RRAS2: variants seen among roughly 807,000 people sequenced by gnomAD.
RRAS2 encodes ras-related protein R-Ras2.
A neutral mutation model predicts 27.6 loss-of-function variants in RRAS2; 7 were observed. That is an observed-to-expected ratio of 0.25 (90% confidence interval 0.14 to 0.48). The LOEUF (loss-of-function observed/expected upper bound fraction) is 0.48, where lower values mean the gene tolerates loss of function less well. Ranked by LOEUF, RRAS2 falls within the 20% of genes least tolerant of loss-of-function variation. The probability of loss-of-function intolerance (pLI) is 0.99; values close to 1 mark genes in which losing one functional copy is unlikely to be tolerated. For synonymous variants in RRAS2, 86 were observed against 90.9 expected (o/e 0.95, Z 0.31); for missense variants, 178 against 256.2 (o/e 0.69, Z 2.08).
In RRAS2 at chr11:14,283,039, TGTCA is replaced by T. The variant is rs1487154271; in HGVS notation, c.409-1323_409-1320del. ...GCTAGTTTTTCAACATTAAGTGTGCTGTCAGTTAGAGAATTTTTTTGTAGATGTC... is the reference window on the plus strand; with the variant it reads ...GCTAGTTTTTCAACATTAAGTGTGCTGTTAGAGAATTTTTTTGTAGATGTC... On this transcript the variant is annotated intron_variant, in intron 4 of 5. Coordinates refer to ENST00000256196, the MANE Select transcript of RRAS2 (RefSeq NM_012250.6). Among the ~76,000 whole-genome samples the T allele has an allele frequency of 3.3e-5, 5 of 152,210 alleles. No individual in the cohort carries two copies. In the East Asian group the frequency reaches 5.8e-4, roughly 18 times the overall value.
At position 14,353,810 on chromosome 11, in the gene RRAS2, G is replaced by A. The variant is rs969351338; in HGVS notation, c.108+4953C>T. Among the ~76,000 whole-genome samples the A allele has an allele frequency of 2.0e-5, 3 of 152,130 alleles. No homozygotes were observed. The East Asian group carries it at 5.8e-4, about 29-fold the overall frequency. On this transcript the variant is annotated intron_variant, in intron 1 of 5. Transcript: ENST00000256196. Reference sequence around the variant, plus strand: ...TATAAGAAAATGTTCTTCCTTGGGTGTACAGAAATTTTATCTAGGAATTGC... The same window carrying A: ...TATAAGAAAATGTTCTTCCTTGGGTATACAGAAATTTTATCTAGGAATTGC...
chr11:14,279,954 AAAAC>A (rs1312187919), intron 5 of RRAS2, among the ~76,000 whole-genome samples: 46 of 152,312 alleles, frequency 3.0e-4, no homozygotes, highest in Admixed American at 2.4e-3. Context: ...CATTAAAAAC[AAAAC>A]AAACAAAAAA....
At chr11:14,294,437 C>T in intron 4 of RRAS2, 34 bp downstream of exon 4, 1 of 1,353,990 alleles carries the variant, frequency 7.4e-7, no homozygotes, top group Non-Finnish European at 1.0e-6. Flanking sequence ...TGATTATAAA[C>T]AATTGGTTTC....
chr11:14,359,709 T>C (rs1357333028), upstream of RRAS2, among the ~76,000 whole-genome samples: 1 of 152,200 alleles, frequency 6.6e-6, no homozygotes, highest in Non-Finnish European at 1.5e-5. Context: ...AGATTTTGTA[T>C]GTGTCAGTAC....
At chr11:14,319,024 C>CT (rs1321973171) in intron 1 of RRAS2, among the ~76,000 whole-genome samples, 1 of 152,216 alleles carries the variant, frequency 6.6e-6, no homozygotes, top group East Asian at 1.9e-4. Flanking sequence ...TGAGGAAAGA[C>CT]TTTAAGTAAC....
intron 3 of RRAS2, 48 bp from the exon 4 acceptor site, chr11:14,294,627 C>G: frequency 6.7e-7 from 1 of 1,497,168 alleles, no homozygotes; most frequent in Non-Finnish European, 9.1e-7. Context: ...GGTCAAGTAT[C>G]AGAATTCAGC....
chr11:14,328,204 T>G (rs1848405940), intron 1 of RRAS2, among the ~76,000 whole-genome samples: 1 of 151,744 alleles, frequency 6.6e-6, no homozygotes, highest in Admixed American at 6.6e-5. Context: ...CCATCTCTAC[T>G]AAAAATACAA....
At chr11:14,306,114 T>C (rs1178206669) in intron 1 of RRAS2, among the ~76,000 whole-genome samples, 1 of 146,634 alleles carries the variant, frequency 6.8e-6, no homozygotes, top group African/African-American at 2.5e-5. Context: ...GGATGTAAAA[T>C]AGTCTCTCAC....
chr11:14,333,323 T>A (rs1325241090), intron 1 of RRAS2, among the ~76,000 whole-genome samples: 1 of 152,134 alleles, frequency 6.6e-6, no homozygotes, highest in African/African-American at 2.4e-5. Context: ...ATTTATCAAG[T>A]CAAAGGAAAA....
chr11:14,299,139 A>G (rs572131261), intron 1 of RRAS2, among the ~76,000 whole-genome samples: 1 of 152,258 alleles, frequency 6.6e-6, no homozygotes, highest in African/African-American at 2.4e-5. Context: ...TGATTAATAA[A>G]TGTCAACCAT....
At chr11:14,336,447 T>C (rs1848591188) in intron 1 of RRAS2, among the ~76,000 whole-genome samples, 1 of 151,558 alleles carries the variant, frequency 6.6e-6, no homozygotes, top group African/African-American at 2.4e-5. Context: ...CTGGCAAACA[T>C]ATTAAGGCAG....
chr11:14,292,320 T>C (rs1554945888), intron 4 of RRAS2, among the ~76,000 whole-genome samples: 1 of 152,164 alleles, frequency 6.6e-6, no homozygotes, highest in Non-Finnish European at 1.5e-5. Flanking sequence ...CCTATTCCTT[T>C]ACTGGAGCTA....
Position 14,282,428 on chromosome 11 carries a change from A to C in RRAS2, c.409-708T>G, listed in dbSNP as rs533823084. Among the ~76,000 whole-genome samples the C allele has an allele frequency of 2.6e-5, 4 of 152,312 alleles. No individual in the cohort carries two copies. In the South Asian group the frequency reaches 8.3e-4, roughly 32 times the overall value. On this transcript the variant is annotated intron_variant, in intron 4 of 5. Transcript: ENST00000256196. ...AGATCAAGGAAAGGTGGCATAGCTG[A>C]TTGATGTATAAAATGGCAGGTCAGA...
intron 4 of RRAS2, among the ~76,000 whole-genome samples, chr11:14,289,329 G>A (rs1849749544): frequency 6.6e-6 from 1 of 152,176 alleles, no homozygotes; most frequent in Admixed American, 6.5e-5. Context: ...GAGAAAGATG[G>A]TAAAGACAAA....
chr11:14,295,203 A>G (rs1847512825), intron 2 of RRAS2, among the ~76,000 whole-genome samples: 1 of 152,222 alleles, frequency 6.6e-6, no homozygotes. Flanking sequence ...AAAAACTGAA[A>G]AAGATACCTG....
intron 1 of RRAS2, among the ~76,000 whole-genome samples, chr11:14,339,460 T>C (rs1331381247): frequency 2.6e-5 from 4 of 152,222 alleles, no homozygotes; most frequent in East Asian, 3.8e-4. Flanking sequence ...TGCCAGATTC[T>C]AGGATCAAAA....
intron 1 of RRAS2, among the ~76,000 whole-genome samples, chr11:14,323,767 A>T (rs1267937336): frequency 1.3e-5 from 2 of 152,194 alleles, no homozygotes; most frequent in Non-Finnish European, 2.9e-5. Context: ...TAATAAACAT[A>T]CATGAAAAGA....
intron 1 of RRAS2, among the ~76,000 whole-genome samples, chr11:14,314,678 A>T (rs578119852): frequency 6.6e-6 from 1 of 152,290 alleles, no homozygotes; most frequent in South Asian, 2.1e-4. Context: ...GAATGCAGGC[A>T]CATGGTTTTT....
intron 1 of RRAS2, among the ~76,000 whole-genome samples, chr11:14,348,784 T>A (rs1269567860): frequency 1.3e-5 from 2 of 152,270 alleles, no homozygotes; most frequent in South Asian, 4.1e-4. Context: ...TTCTCTAAGG[T>A]TCCTTCCAGT....
Sources: gnomAD v4.1 joint callset for allele counts (sites outside exome capture counted in the v4.1 genomes callset) on GRCh38, gnomAD v4.1.1 for gene constraint, MANE v1.5 for transcripts, NCBI Gene and HGNC (gene_info 2026-07-23, HGNC 2026-07-21) for gene names.